The following SNRPG variants were observed in gnomAD, a reference collection of about 807,000 sequenced individuals.
The protein encoded by SNRPG is small nuclear ribonucleoprotein polypeptide G.
A neutral mutation model predicts 13.9 loss-of-function variants in SNRPG; 3 were observed. The observed-to-expected ratio is 0.22, with a 90% CI of 0.10 to 0.56. The LOEUF (loss-of-function observed/expected upper bound fraction) is 0.56, where lower values mean the gene tolerates loss of function less well. Ranked by LOEUF, SNRPG falls within the 20% of genes least tolerant of loss-of-function variation. The probability of loss-of-function intolerance (pLI) is 0.93; values close to 1 mark genes in which losing one functional copy is unlikely to be tolerated. For missense variants in SNRPG, 34 were observed against 96.1 expected (o/e 0.35, Z 2.70); for synonymous variants, 29 against 29.3 (o/e 0.99, Z 0.03).
intron 3 of SNRPG, among the ~76,000 whole-genome samples, chr2:70,285,193 TAATAAG>T (rs1302955939): frequency 2.0e-5 from 3 of 152,178 alleles, no homozygotes; most frequent in Admixed American, 6.6e-5. Flanking sequence ...GTTCTTGACT[TAATAAG>T]AAAAAGAATC....
At chr2:70,289,869 G>A (rs1219441592) in intron 1 of SNRPG, among the ~76,000 whole-genome samples, 2 of 152,022 alleles carry the variant, frequency 1.3e-5, no homozygotes, top group Non-Finnish European at 2.9e-5. Flanking sequence ...AGGAAGCAAA[G>A]TAATTTGGGA....
rs540402095 is a variant in SNRPG at position 70,293,686 on chromosome 2, G to A, written c.-37C>T. ...CGCGGGCTCACAGATGCCTTGGAACGCAACGCACGGCTTTCCTCACGCTCC... is the reference window on the plus strand; with the variant it reads ...CGCGGGCTCACAGATGCCTTGGAACACAACGCACGGCTTTCCTCACGCTCC... On this transcript the variant is annotated 5_prime_UTR_variant, in exon 1 of 4. Coordinates refer to ENST00000272348, the MANE Select transcript of SNRPG (RefSeq NM_003096.4). The A allele has an allele frequency of 2.1e-5, 34 of 1,604,406 alleles. No individual in the cohort carries two copies. The highest frequency in any genetic ancestry group is 3.3e-4 in the Middle Eastern group (2 of 6,014).
chr2:70,282,195 C>T (rs918516951), intron 3 of SNRPG, among the ~76,000 whole-genome samples: 3 of 152,088 alleles, frequency 2.0e-5, no homozygotes, highest in Admixed American at 6.6e-5. Context: ...GGATTACAGG[C>T]GTGAGCTACT....
At position 70,283,117 on chromosome 2, in the gene SNRPG, A is replaced by AG. The variant is rs1559041586; in HGVS notation, c.181-1434_181-1433insC. On this transcript the variant is annotated intron_variant, in intron 3 of 3. Transcript: ENST00000272348. ...TTGTCAAAAAAAAAAAAAAAAAAAAAAAAAAAACAACAAACCAAAACCAAA... is the reference window on the plus strand; with the variant it reads ...TTGTCAAAAAAAAAAAAAAAAAAAAAGAAAAAAACAACAAACCAAAACCAAA... Among the ~76,000 whole-genome samples the AG allele has an allele frequency of 8.5e-4, 127 of 148,550 alleles. 9 individuals carry two copies. Among genetic ancestry groups the AG allele is most frequent in the African/African-American group, 3.1e-3 (123 of 39,850 alleles).
At chr2:70,293,063 C>G (rs1044558235) in intron 1 of SNRPG, 6 of 688,552 alleles carry the variant, frequency 8.7e-6, no homozygotes, top group Admixed American at 4.3e-5. Context: ...GTTTCAACAT[C>G]AGAGCAAGAT....
In SNRPG at chr2:70,281,563, T is replaced by G. The variant is rs956811081; in HGVS notation, c.*71A>C. ...GTCTAATATGAAAATGTACATGACC[T>G]AATTTTTACATCATAGTAAAACAGG... is the stretch of plus-strand genomic sequence containing the variant. On this transcript the variant is annotated 3_prime_UTR_variant, in exon 4 of 4. Coordinates refer to ENST00000272348, the MANE Select transcript of SNRPG (RefSeq NM_003096.4). 3 of 812,120 alleles carry G rather than the reference T, an allele frequency of 3.7e-6. No individual in the cohort carries two copies. The Admixed American group carries it at 8.2e-5, about 22-fold the overall frequency. The allele number at this position is 812,120 out of a possible 1,614,324, so 50.3% of individuals were successfully genotyped here.
intron 3 of SNRPG, chr2:70,287,688 T>TTC (rs1198239999): frequency 7.6e-6 from 3 of 393,990 alleles, no homozygotes; most frequent in Non-Finnish European, 1.4e-5. Context: ...AAAACCTTAG[T>TTC]TAAGTTCTGC....
intron 1 of SNRPG, among the ~76,000 whole-genome samples, chr2:70,290,997 G>A (rs1366716048): frequency 7.0e-6 from 1 of 142,572 alleles, no homozygotes; most frequent in Non-Finnish European, 1.5e-5. Context: ...GGCAATAAGA[G>A]TGAAACTCCA....
chr2:70,290,630 A>G (rs940447333), intron 1 of SNRPG, among the ~76,000 whole-genome samples: 10 of 152,012 alleles, frequency 6.6e-5, no homozygotes, highest in Admixed American at 2.6e-4. Flanking sequence ...TTATCATGGG[A>G]AAATGTAAAT....
intron 3 of SNRPG, among the ~76,000 whole-genome samples, chr2:70,283,427 G>C (rs1696863416): frequency 6.6e-6 from 1 of 152,166 alleles, no homozygotes; most frequent in Non-Finnish European, 1.5e-5. Flanking sequence ...AAGATTCAAA[G>C]TGGAGCTATG....
At chr2:70,293,477 T>TGGCCGGGATCCC (rs1574000396) in intron 1 of SNRPG, 141 bp downstream of exon 1, 13 of 821,750 alleles carry the variant, frequency 1.6e-5, no homozygotes, top group Non-Finnish European at 2.6e-5. Context: ...CGCGGGAGCC[T>TGGCCGGGATCCC]GGCCGGGATC....
intron 3 of SNRPG, among the ~76,000 whole-genome samples, chr2:70,282,108 G>T (rs1388343881): frequency 6.6e-6 from 1 of 152,064 alleles, no homozygotes; most frequent in African/African-American, 2.4e-5. Flanking sequence ...TAGAGACGGG[G>T]TTTCACCATG....
At chr2:70,289,584 GGT>G (rs1307131987) in intron 1 of SNRPG, among the ~76,000 whole-genome samples, 2 of 152,188 alleles carry the variant, frequency 1.3e-5, no homozygotes, top group Non-Finnish European at 2.9e-5. Flanking sequence ...GGCTGAGGCG[GGT>G]GGACTGCTTG....
At chr2:70,282,234 A>G in intron 3 of SNRPG, among the ~76,000 whole-genome samples, 1 of 152,070 alleles carries the variant, frequency 6.6e-6, no homozygotes, top group East Asian at 1.9e-4. Flanking sequence ...ACCTTCTAAA[A>G]TGCAGGACTC....
chr2:70,283,118 A>AG (rs1559041596), intron 3 of SNRPG, among the ~76,000 whole-genome samples: 1 of 148,818 alleles, frequency 6.7e-6, no homozygotes, highest in African/African-American at 2.5e-5. Flanking sequence ...AAAAAAAAAA[A>AG]AAAAAACAAC....
Position 70,293,712 on chromosome 2 carries a change from C to T in SNRPG, c.-63G>A, listed in dbSNP as rs918260985. 1.3e-5 allele frequency: 20 copies of T among 1,502,410 alleles called. No individual in the cohort carries two copies. Among genetic ancestry groups the T allele is most frequent in the Non-Finnish European group, 1.9e-5 (20 of 1,078,464 alleles). The allele number at this position is 1,502,410 out of a possible 1,614,324, so 93.1% of individuals were successfully genotyped here. On this transcript the variant is annotated 5_prime_UTR_variant, in exon 1 of 4. Transcript: ENST00000272348. ...CAACGCACGGCTTTCCTCACGCTCCCGCTGTAGGCCCGGCGTCTTGCGTCT... is the reference window on the plus strand; with the variant it reads ...CAACGCACGGCTTTCCTCACGCTCCTGCTGTAGGCCCGGCGTCTTGCGTCT...
At chr2:70,293,103 G>C in intron 1 of SNRPG, 1 of 702,162 alleles carries the variant, frequency 1.4e-6, no homozygotes, top group East Asian at 2.7e-5. Context: ...TAACGTAAAA[G>C]AAGGCAAGAA....
chr2:70,284,051 C>A (rs900280902), intron 3 of SNRPG, among the ~76,000 whole-genome samples: 2 of 152,140 alleles, frequency 1.3e-5, no homozygotes, highest in African/African-American at 2.4e-5. Context: ...CAGAGTGAGA[C>A]CTTATCTCAA....
chr2:70,293,719 G>C lies in SNRPG; in HGVS notation c.-70C>G, dbSNP rs75215614. 1.4e-4 allele frequency: 204 copies of C among 1,465,292 alleles called. No homozygotes were observed. The African/African-American group carries it at 2.3e-3, about 17-fold the overall frequency. The allele number at this position is 1,465,292 out of a possible 1,614,324, so 90.8% of individuals were successfully genotyped here. On this transcript the variant is annotated 5_prime_UTR_variant, in exon 1 of 4. Transcript: ENST00000272348. ...CGGCTTTCCTCACGCTCCCGCTGTA[G>C]GCCCGGCGTCTTGCGTCTGGCGTCA...
Sources: allele counts gnomAD v4.1 joint callset (sites outside exome capture counted in the v4.1 genomes callset), GRCh38; gene constraint gnomAD v4.1.1; transcripts MANE v1.5; gene names NCBI Gene and HGNC (gene_info 2026-07-23, HGNC 2026-07-21).